Variants in TTC33 observed in about 807,000 individuals in gnomAD.
TTC33 encodes the protein tetratricopeptide repeat protein 33.
TTC33 carries 24 observed loss-of-function variants against 29.4 expected under a neutral mutation model. That is an observed-to-expected ratio of 0.82 (90% CI 0.59 to 1.15). The LOEUF is 1.15. Ranked by LOEUF, TTC33 falls within the 50% of genes most tolerant of loss-of-function variation. The pLI is 0.00. For missense variants in TTC33, 286 were observed against 310.4 expected (o/e 0.92, Z 0.59); for synonymous variants, 107 against 100.3 (o/e 1.07, Z -0.40).
rs1286758071 is a variant in TTC33 at position 40,738,567 on chromosome 5, T to TAAAATAAAATAAAATATAAA, written c.222-8225_222-8224insTTTATATTTTATTTTATTTT. 1.4e-3 allele frequency among the ~76,000 whole-genome samples: 97 copies of TAAAATAAAATAAAATATAAA among 67,586 alleles called. 1 individual carries two copies. The highest frequency in any genetic ancestry group is 4.6e-3 in the South Asian group (8 of 1,730). 44.3% of individuals were successfully genotyped at this position (67,586 alleles called of 152,430 possible). On this transcript the variant is annotated intron_variant, in intron 2 of 4. Transcript: ENST00000337702. ...TAAAATAAAATAAAATAAAATAAAA[T>TAAAATAAAATAAAATATAAA]ATAAAATAAAATAAAATAAAATAAA...
chr5:40,714,988 T>C lies in TTC33; in HGVS notation c.*1157A>G, dbSNP rs570832608. 4 of 152,168 alleles carry C rather than the reference T, an allele frequency of 2.6e-5. No homozygotes were observed. Among genetic ancestry groups the C allele is most frequent in the Admixed American group, 2.6e-4 (4 of 15,278 alleles). 9.4% of individuals were successfully genotyped at this position (152,168 alleles called of 1,614,324 possible). On this transcript the variant is annotated 3_prime_UTR_variant, in exon 5 of 5. Coordinates refer to ENST00000337702, the MANE Select transcript of TTC33 (RefSeq NM_012382.3). ...ATAGTTCAGATTAGCAATGACAGTATTGGTTTGTGAATATGACTGTGGACT... is the reference window on the plus strand; with the variant it reads ...ATAGTTCAGATTAGCAATGACAGTACTGGTTTGTGAATATGACTGTGGACT...
intron 1 of TTC33, among the ~76,000 whole-genome samples, chr5:40,747,983 G>A (rs955992157): frequency 6.6e-6 from 1 of 151,348 alleles, no homozygotes; most frequent in South Asian, 2.1e-4. Flanking sequence ...GCACCACCAC[G>A]CCTGGGTAAT....
At chr5:40,747,848 A>G (rs975127266) in intron 1 of TTC33, among the ~76,000 whole-genome samples, 4 of 152,096 alleles carry the variant, frequency 2.6e-5, no homozygotes, top group African/African-American at 9.7e-5. Context: ...TTTCTGAGAC[A>G]AAGTTTTGCT....
chr5:40,731,255 G>A lies in TTC33; in HGVS notation c.222-912C>T, dbSNP rs575792154. On this transcript the variant is annotated intron_variant, in intron 2 of 4. Transcript: ENST00000337702. ...TTAGAAGGAAAAGGTTGGACTGTTTGTCCAATCTTTTTTCTACCACTCCCT... is the reference window on the plus strand; with the variant it reads ...TTAGAAGGAAAAGGTTGGACTGTTTATCCAATCTTTTTTCTACCACTCCCT... 9.9e-5 allele frequency among the ~76,000 whole-genome samples: 15 copies of A among 152,210 alleles called. No individual in the cohort carries two copies. In the South Asian group the frequency reaches 2.3e-3, roughly 23 times the overall value.
Position 40,716,413 on chromosome 5 carries a change from A to G in TTC33, c.521T>C (p.Leu174Pro). The G allele has an allele frequency of 6.2e-7, 1 of 1,613,752 alleles. No individual in the cohort carries two copies. Among genetic ancestry groups the G allele is most frequent in the South Asian group, 1.1e-5 (1 of 91,070 alleles). The change falls in exon 5 of 5, where the codon CTC becomes CCC. Residue 174 changes from leucine (L) to proline (P), a missense_variant. Coordinates refer to ENST00000337702, the MANE Select transcript of TTC33 (RefSeq NM_012382.3). ...WKEDLSWART[L>P]QEQQKVAQRI... ...CTGTGCTACCTTCTGCTGCTCCTGGAGCGTTCTTGCCCAAGAGAGGTCTTC... is the reference window on the plus strand; with the variant it reads ...CTGTGCTACCTTCTGCTGCTCCTGGGGCGTTCTTGCCCAAGAGAGGTCTTC...
At chr5:40,730,544 T>C (rs1013315773) in intron 2 of TTC33, among the ~76,000 whole-genome samples, 1 of 152,120 alleles carries the variant, frequency 6.6e-6, no homozygotes, top group African/African-American at 2.4e-5. Flanking sequence ...TCTCCAGAAC[T>C]TTTTCATCTT....
At chr5:40,720,749 T>G (rs2111870339) in intron 4 of TTC33, among the ~76,000 whole-genome samples, 1 of 152,026 alleles carries the variant, frequency 6.6e-6, no homozygotes, top group African/African-American at 2.4e-5. Context: ...GAATACACAC[T>G]CATCAAAGCC....
chr5:40,723,885 A>G (rs1420818104), intron 4 of TTC33, among the ~76,000 whole-genome samples: 2 of 152,072 alleles, frequency 1.3e-5, no homozygotes, highest in African/African-American at 4.8e-5. Context: ...AAACAAACAA[A>G]AAGGCAAGAT....
rs567284232 is a variant in TTC33, at chr5:40,717,058, G to C, written c.436-560C>G. Among the ~76,000 whole-genome samples the C allele has an allele frequency of 9.2e-5, 14 of 151,988 alleles. No individual in the cohort carries two copies. The East Asian group carries it at 2.7e-3, about 29-fold the overall frequency. On this transcript the variant is annotated intron_variant, in intron 4 of 4. Coordinates refer to ENST00000337702, the MANE Select transcript of TTC33 (RefSeq NM_012382.3). ...AGCCTGGCCAACACAGTGAAACCCT[G>C]TCTCTACTAAAAATACAAAAATTAG...
chr5:40,754,142 A>C (rs931177029), intron 1 of TTC33, among the ~76,000 whole-genome samples: 1 of 152,020 alleles, frequency 6.6e-6, no homozygotes, highest in Non-Finnish European at 1.5e-5. Context: ...ATGTGAAAAA[A>C]CCACGCCACT....
At chr5:40,744,697 T>C (rs2111929070) in intron 2 of TTC33, among the ~76,000 whole-genome samples, 1 of 152,280 alleles carries the variant, frequency 6.6e-6, no homozygotes, top group East Asian at 1.9e-4. Flanking sequence ...GTCATACATA[T>C]GTCTTCTAAA....
At position 40,712,999 on chromosome 5, in the gene TTC33, T is replaced by A. The variant is rs1741927060; in HGVS notation, c.*3146A>T. 6.6e-6 allele frequency among the ~76,000 whole-genome samples: 1 copy of A among 152,148 alleles called. No homozygotes were observed. The highest frequency in any genetic ancestry group is 2.1e-4 in the South Asian group (1 of 4,830). On this transcript the variant is annotated 3_prime_UTR_variant, in exon 5 of 5. Coordinates refer to ENST00000337702, the MANE Select transcript of TTC33 (RefSeq NM_012382.3). Reference sequence around the variant, plus strand: ...TTTCATTTTATTTCTGTTTTATAATTTATATATTTCAATATCTTATTATTG... The same window carrying A: ...TTTCATTTTATTTCTGTTTTATAATATATATATTTCAATATCTTATTATTG...
chr5:40,728,559 G>T, intron 3 of TTC33, 83 bp from the exon 4 acceptor site: 1 of 1,329,988 alleles, frequency 7.5e-7, no homozygotes, highest in Non-Finnish European at 1.0e-6. Flanking sequence ...CATTTTTTAA[G>T]ATATATTTTT....
At chr5:40,724,413 T>A (rs985592763) in intron 4 of TTC33, among the ~76,000 whole-genome samples, 6 of 151,818 alleles carry the variant, frequency 4.0e-5, no homozygotes, top group African/African-American at 1.5e-4. Context: ...GGCAGGAGGA[T>A]CATGAGGTCA....
intron 4 of TTC33, among the ~76,000 whole-genome samples, chr5:40,726,028 G>A (rs372289027): frequency 1.7e-4 from 25 of 151,326 alleles, no homozygotes; most frequent in South Asian, 6.3e-4. Flanking sequence ...CTTGTGATCC[G>A]CCCGCCTCGG....
In TTC33 at chr5:40,716,432, G is replaced by A. The variant is rs755673849; in HGVS notation, c.502C>T (p.Leu168Phe). The change falls in exon 5 of 5, where the codon CTC becomes TTC. Residue 168 changes from leucine to phenylalanine, a missense_variant. Physicochemically the swap from Leu to Phe is conservative, Grantham distance 22. Transcript: ENST00000337702. Reference protein sequence around the residue: ...PMNPEIWKEDLSWARTLQEQQ... With the variant: ...PMNPEIWKEDFSWARTLQEQQ... ...TCCTGGAGCGTTCTTGCCCAAGAGAGGTCTTCTTTCCATATTTCAGGGTTC... is the reference window on the plus strand; with the variant it reads ...TCCTGGAGCGTTCTTGCCCAAGAGAAGTCTTCTTTCCATATTTCAGGGTTC... 1.2e-6 allele frequency: 2 copies of A among 1,613,756 alleles called. No individual in the cohort carries two copies. The highest frequency in any genetic ancestry group is 1.3e-5 in the African/African-American group (1 of 75,028).
At position 40,738,552 on chromosome 5, in the gene TTC33, TAAA is replaced by T. The variant is rs1222559899; in HGVS notation, c.222-8212_222-8210del. Among the ~76,000 whole-genome samples the T allele has an allele frequency of 1.1e-4, 12 of 112,692 alleles. No homozygotes were observed. The East Asian group carries it at 2.6e-3, about 25-fold the overall frequency. The allele number at this position is 112,692 out of a possible 152,430, so 73.9% of individuals were successfully genotyped here. On this transcript the variant is annotated intron_variant, in intron 2 of 4. Transcript: ENST00000337702. ...TACAATAAAATACAATAAAATAAAA[TAAA>T]ATAAAATAAAATATAAAATAAAATA... is the stretch of plus-strand genomic sequence containing the variant.
At chr5:40,739,731 G>GT (rs1242873413) in intron 2 of TTC33, among the ~76,000 whole-genome samples, 1 of 152,096 alleles carries the variant, frequency 6.6e-6, no homozygotes, top group Non-Finnish European at 1.5e-5. Flanking sequence ...AATTAAACCT[G>GT]TTTTTTTCAT....
intron 2 of TTC33, among the ~76,000 whole-genome samples, chr5:40,738,230 G>A (rs1022519498): frequency 6.6e-6 from 1 of 151,756 alleles, no homozygotes; most frequent in Non-Finnish European, 1.5e-5. Flanking sequence ...TGGCCAAGAC[G>A]GTGAAACCCT....
Sources: gnomAD v4.1 joint callset for allele counts (sites outside exome capture counted in the v4.1 genomes callset) on GRCh38, gnomAD v4.1.1 for gene constraint, MANE v1.5 for transcripts, NCBI Gene and HGNC (gene_info 2026-07-23, HGNC 2026-07-21) for gene names.